MDGA2: variants seen among roughly 807,000 people sequenced by gnomAD.
MDGA2 encodes the protein MAM domain containing glycosylphosphatidylinositol anchor 2.
MDGA2 carries 40 observed loss-of-function variants against 117.8 expected under a neutral mutation model. The observed-to-expected ratio is 0.34, with a 90% CI of 0.26 to 0.44. The LOEUF is 0.44. MDGA2 is among the 20% of genes least tolerant of loss of function. The probability of loss-of-function intolerance (pLI) is 1.00; values close to 1 mark genes in which losing one functional copy is unlikely to be tolerated. For missense variants in MDGA2, 1,123 were observed against 1,250.6 expected, an observed-to-expected ratio of 0.90 and a Z score of 1.54; for synonymous variants, 452 against 439.0, an observed-to-expected ratio of 1.03 and a Z score of -0.37.
intron 8 of MDGA2, among the ~76,000 whole-genome samples, chr14:46,974,744 A>G (rs1453815383): frequency 6.6e-6 from 1 of 152,178 alleles, no homozygotes; most frequent in Non-Finnish European, 1.5e-5. Flanking sequence ...TAAATGTAAG[A>G]TTCAAAAATA....
intron 1 of MDGA2, among the ~76,000 whole-genome samples, chr14:47,508,689 TG>T (rs1337805552): frequency 6.6e-6 from 1 of 152,050 alleles, no homozygotes; most frequent in Non-Finnish European, 1.5e-5. Context: ...TTTGTTTGTT[TG>T]TTTTTTTGAG....
At chr14:47,272,196 C>G (rs1380236649) in intron 2 of MDGA2, among the ~76,000 whole-genome samples, 2 of 151,522 alleles carry the variant, frequency 1.3e-5, no homozygotes, top group African/African-American at 4.9e-5. Context: ...TGAGACCTAA[C>G]TACCTGCCCA....
intron 2 of MDGA2, among the ~76,000 whole-genome samples, chr14:47,248,329 C>G (rs899302330): frequency 4.6e-5 from 7 of 151,234 alleles, no homozygotes; most frequent in Admixed American, 2.6e-4. Flanking sequence ...AAAATTATAA[C>G]ATAAAAAGCA....
intron 1 of MDGA2, among the ~76,000 whole-genome samples, chr14:47,463,131 C>A (rs1893526461): frequency 6.6e-6 from 1 of 152,162 alleles, no homozygotes; most frequent in South Asian, 2.1e-4. Context: ...AGCTATATAA[C>A]TGAGGGCAAC....
At chr14:47,253,092 A>G (rs8010156) in intron 2 of MDGA2, among the ~76,000 whole-genome samples, 46,777 of 152,056 alleles carry the variant, frequency 0.31, 7,781 homozygotes, top group Admixed American at 0.48. Flanking sequence ...CTTCCCACTG[A>G]GTCCCTCCCA....
intron 2 of MDGA2, among the ~76,000 whole-genome samples, chr14:47,274,557 G>C (rs927510653): frequency 6.6e-6 from 1 of 152,010 alleles, no homozygotes; most frequent in African/African-American, 2.4e-5. Context: ...ACAAGTTTTT[G>C]TGCGAAGGTA....
chr14:47,257,930 T>C (rs1290101074), intron 2 of MDGA2, among the ~76,000 whole-genome samples: 1 of 152,184 alleles, frequency 6.6e-6, no homozygotes, highest in South Asian at 2.1e-4. Context: ...TCCTAAGTTT[T>C]AACTAGTTGC....
chr14:47,528,950 G>GGGA (rs1468094139), intron 1 of MDGA2, among the ~76,000 whole-genome samples: 1 of 151,596 alleles, frequency 6.6e-6, no homozygotes, highest in Non-Finnish European at 1.5e-5. Flanking sequence ...TTCTAGGAAA[G>GGGA]GGACATAGAT....
intron 1 of MDGA2, among the ~76,000 whole-genome samples, chr14:47,387,227 C>T (rs72685812): frequency 3.1e-3 from 476 of 152,220 alleles, no homozygotes; most frequent in Non-Finnish European, 5.2e-3. Context: ...CTACAATCAG[C>T]ATCCTTTCTT....
At chr14:47,327,465 G>A (rs1041017418) in intron 1 of MDGA2, among the ~76,000 whole-genome samples, 1 of 152,136 alleles carries the variant, frequency 6.6e-6, no homozygotes, top group Admixed American at 6.6e-5. Context: ...GAAGGCTTCT[G>A]GGCTTCCATT....
chr14:46,978,279 TC>T (rs1372665726), intron 8 of MDGA2, among the ~76,000 whole-genome samples: 2 of 152,016 alleles, frequency 1.3e-5, no homozygotes, highest in Non-Finnish European at 2.9e-5. Flanking sequence ...TAGGAACCAT[TC>T]ATATTTAGAA....
chr14:47,590,881 C>T (rs1896424255), intron 1 of MDGA2, among the ~76,000 whole-genome samples: 1 of 151,868 alleles, frequency 6.6e-6, no homozygotes, highest in African/African-American at 2.4e-5. Flanking sequence ...CAATATTTTC[C>T]AGTATGTTCA....
chr14:46,911,914 G>A (rs1366903495), intron 10 of MDGA2, among the ~76,000 whole-genome samples: 1 of 152,062 alleles, frequency 6.6e-6, no homozygotes, highest in African/African-American at 2.4e-5. Context: ...CAGCAGCCAG[G>A]GTGCAAGACA....
chr14:47,450,018 T>C (rs1893207372), intron 1 of MDGA2, among the ~76,000 whole-genome samples: 2 of 152,134 alleles, frequency 1.3e-5, no homozygotes, highest in South Asian at 4.1e-4. Context: ...GTCATAGAAG[T>C]GATACATTTA....
intron 3 of MDGA2, among the ~76,000 whole-genome samples, chr14:47,154,042 T>C (rs1311426471): frequency 6.6e-6 from 1 of 152,150 alleles, no homozygotes; most frequent in Admixed American, 6.5e-5. Flanking sequence ...AACTTGGCTC[T>C]AACAAAAACA....
chr14:46,898,372 T>A (rs567435638), intron 10 of MDGA2, among the ~76,000 whole-genome samples: 1 of 151,992 alleles, frequency 6.6e-6, no homozygotes, highest in African/African-American at 2.4e-5. Flanking sequence ...TAATTGGATA[T>A]AGAGAATAAA....
At chr14:46,926,277 T>A (rs763437489) in intron 9 of MDGA2, among the ~76,000 whole-genome samples, 38 of 152,138 alleles carry the variant, frequency 2.5e-4, no homozygotes, top group Non-Finnish European at 4.7e-4. Context: ...ATAATTTAAA[T>A]GGCGGTAAGG....
intron 7 of MDGA2, among the ~76,000 whole-genome samples, chr14:47,051,098 T>C (rs537299312): frequency 1.2e-4 from 18 of 152,020 alleles, no homozygotes; most frequent in African/African-American, 2.6e-4. Flanking sequence ...AAGGGAAATA[T>C]TCATTTAATC....
chr14:47,506,676 T>C (rs1255312045), intron 1 of MDGA2, among the ~76,000 whole-genome samples: 4 of 152,182 alleles, frequency 2.6e-5, no homozygotes, highest in African/African-American at 4.8e-5. Context: ...TTGAGATGTG[T>C]TGCAAATATA....
Sources: allele counts gnomAD v4.1 joint callset (sites outside exome capture counted in the v4.1 genomes callset), GRCh38; gene constraint gnomAD v4.1.1; transcripts MANE v1.5; gene names NCBI Gene and HGNC (gene_info 2026-07-23, HGNC 2026-07-21).